GDPD4: variants seen among roughly 807,000 people sequenced by gnomAD.
GDPD4 encodes glycerophosphodiester phosphodiesterase domain containing 4, also known as glycerophosphodiester phosphodiesterase 6.
In GDPD4, 60 loss-of-function variants were observed where a neutral mutation model predicts 67.8. The ratio of observed to expected loss-of-function variants is 0.88; its 90% CI spans 0.72 to 1.10. The LOEUF is 1.10. Ranked by LOEUF, GDPD4 falls within the 50% of genes least tolerant of loss-of-function variation. The pLI is 0.00. For synonymous variants in GDPD4, 212 were observed against 210.9 expected, an observed-to-expected ratio of 1.00 and a Z score of -0.04; for missense variants, 623 against 613.9, an observed-to-expected ratio of 1.01 and a Z score of -0.16.
intron 11 of GDPD4, among the ~76,000 whole-genome samples, chr11:77,248,710 C>T (rs1958829686): frequency 6.6e-6 from 1 of 151,698 alleles, no homozygotes; most frequent in Non-Finnish European, 1.5e-5. Context: ...TTTCCCTGTA[C>T]ATTTATTTAT....
rs534093042 is a variant in GDPD4, at chr11:77,249,461, GC to G, written c.865-3960del. ...TGGTTTCTGGTTCCACATGTAAGGAGCTTGGAAGCTGTCACTCCATCCTAAC... is the reference window on the plus strand; with the variant it reads ...TGGTTTCTGGTTCCACATGTAAGGAGTTGGAAGCTGTCACTCCATCCTAAC... On this transcript the variant is annotated intron_variant, in intron 11 of 16. Transcript: ENST00000315938. 2.5e-3 allele frequency among the ~76,000 whole-genome samples: 382 copies of G among 152,208 alleles called. 2 individuals are homozygous for G. The highest frequency in any genetic ancestry group is 8.5e-3 in the African/African-American group (353 of 41,530).
rs185629189 is a variant in GDPD4 at position 77,286,198 on chromosome 11, T to C, written c.-50-1011A>G. Among the ~76,000 whole-genome samples, 416 of 152,282 alleles carry C rather than the reference T, an allele frequency of 2.7e-3. 2 individuals carry two copies. The highest frequency in any genetic ancestry group is 4.4e-3 in the Non-Finnish European group (299 of 68,028). On this transcript the variant is annotated intron_variant, in intron 2 of 16. Transcript: ENST00000315938. ...TGACTACTCCTCCAATACCAATTCT[T>C]CCACCATCCCCAATTCTCTACCTAT...
chr11:77,243,552 A>G (rs1958715296), intron 13 of GDPD4, 142 bp downstream of exon 13: 1 of 698,956 alleles, frequency 1.4e-6, no homozygotes, highest in Admixed American at 2.6e-5. Flanking sequence ...AGGAAGGGGT[A>G]GGAAAAAGAA....
At chr11:77,293,395 A>G (rs897833607) in intron 1 of GDPD4, among the ~76,000 whole-genome samples, 4 of 152,016 alleles carry the variant, frequency 2.6e-5, no homozygotes, top group Admixed American at 6.6e-5. Context: ...AAAGTTCAAG[A>G]CCAGCATGGG....
At chr11:77,298,123 A>G (rs1938039094) in intron 1 of GDPD4, among the ~76,000 whole-genome samples, 1 of 152,134 alleles carries the variant, frequency 6.6e-6, no homozygotes, top group Non-Finnish European at 1.5e-5. Flanking sequence ...AAAAGATTGA[A>G]ATAAAAAGAT....
chr11:77,252,793 A>G (rs1388613779), intron 11 of GDPD4, among the ~76,000 whole-genome samples: 1 of 152,154 alleles, frequency 6.6e-6, no homozygotes, highest in African/African-American at 2.4e-5. Flanking sequence ...GCGTCAGCAA[A>G]AACTGTGGGC....
At position 77,269,049 on chromosome 11, in the gene GDPD4, A is replaced by T; in HGVS notation, c.499T>A (p.Leu167Ile). The change falls in exon 9 of 17, where the codon TTA becomes ATA. Residue 167 changes from leucine (L) to isoleucine (I), a missense_variant. Transcript: ENST00000315938. ...RLRGLQVPVG[L>I]PFLLILLGLY... The stretch of plus-strand genomic sequence containing the variant: ...CCTAAAAGGATAAGAAGAAAGGGTA[A>T]TCCAACAGGCACTTGTAGACCTGAA... The T allele has an allele frequency of 6.2e-7, 1 of 1,613,950 alleles. No individual in the cohort carries two copies. Among genetic ancestry groups the T allele is most frequent in the Non-Finnish European group, 8.5e-7 (1 of 1,179,876 alleles).
chr11:77,261,953 C>T (rs542709095), intron 10 of GDPD4, among the ~76,000 whole-genome samples: 46 of 152,334 alleles, frequency 3.0e-4, no homozygotes, highest in Admixed American at 9.8e-4. Context: ...TTTGGCAAAA[C>T]AAGTGGTATC....
chr11:77,256,249 C>T (rs1029043491), intron 11 of GDPD4, among the ~76,000 whole-genome samples: 1 of 152,196 alleles, frequency 6.6e-6, no homozygotes, highest in Non-Finnish European at 1.5e-5. Context: ...ATCTAGAACA[C>T]ACCTTTGCCA....
At chr11:77,257,394 A>G (rs897936449) in intron 11 of GDPD4, among the ~76,000 whole-genome samples, 1 of 152,148 alleles carries the variant, frequency 6.6e-6, no homozygotes, top group Non-Finnish European at 1.5e-5. Flanking sequence ...CCACTTAAAA[A>G]CACTCAAGGA....
intron 3 of GDPD4, 136 bp from the exon 4 acceptor site, chr11:77,279,535 G>A: frequency 1.9e-6 from 1 of 528,018 alleles, no homozygotes; most frequent in South Asian, 2.3e-5. Flanking sequence ...GTGAACAGCA[G>A]CTTTTGCGGA....
At chr11:77,260,495 T>C (rs1173848345) in intron 10 of GDPD4, among the ~76,000 whole-genome samples, 8 of 151,958 alleles carry the variant, frequency 5.3e-5, no homozygotes, top group Non-Finnish European at 1.0e-4. Flanking sequence ...CACCCAACAA[T>C]GTAAAACTAC....
intron 3 of GDPD4, among the ~76,000 whole-genome samples, chr11:77,283,926 GC>G (rs1959873925): frequency 6.7e-6 from 1 of 149,690 alleles, no homozygotes; most frequent in South Asian, 2.1e-4. Flanking sequence ...CACGATCTCG[GC>G]TCACTGCAAC....
At chr11:77,243,249 A>G (rs1958708023) in intron 13 of GDPD4, among the ~76,000 whole-genome samples, 1 of 152,148 alleles carries the variant, frequency 6.6e-6, no homozygotes, top group South Asian at 2.1e-4. Context: ...TTTTTAAATA[A>G]TAGTTTTGTT....
intron 10 of GDPD4, among the ~76,000 whole-genome samples, chr11:77,264,766 C>T (rs1959170703): frequency 6.6e-6 from 1 of 152,040 alleles, no homozygotes; most frequent in African/African-American, 2.4e-5. Flanking sequence ...TGTTGGAGTT[C>T]AAGACACTCA....
At chr11:77,236,409 A>G (rs947873696) in intron 13 of GDPD4, among the ~76,000 whole-genome samples, 2 of 152,082 alleles carry the variant, frequency 1.3e-5, no homozygotes, top group Non-Finnish European at 2.9e-5. Context: ...GGTGAACTAA[A>G]TATTACTGGA....
intron 10 of GDPD4, among the ~76,000 whole-genome samples, chr11:77,260,742 A>G (rs909036867): frequency 6.6e-6 from 1 of 152,202 alleles, no homozygotes; most frequent in African/African-American, 2.4e-5. Context: ...AAATTTAGAG[A>G]TAAGATATAA....
intron 11 of GDPD4, among the ~76,000 whole-genome samples, chr11:77,252,349 C>T (rs1169216373): frequency 1.3e-5 from 2 of 152,076 alleles, no homozygotes; most frequent in East Asian, 3.8e-4. Flanking sequence ...CAGGCATGAG[C>T]CACCACATCC....
chr11:77,224,483 T>C (rs1316719924), intron 16 of GDPD4, among the ~76,000 whole-genome samples: 1 of 152,228 alleles, frequency 6.6e-6, no homozygotes, highest in East Asian at 1.9e-4. Flanking sequence ...TATTCTGTTG[T>C]TGGCTTTGAA....
Sources: gnomAD v4.1 joint callset for allele counts (sites outside exome capture counted in the v4.1 genomes callset) on GRCh38, gnomAD v4.1.1 for gene constraint, MANE v1.5 for transcripts, NCBI Gene and HGNC (gene_info 2026-07-23, HGNC 2026-07-21) for gene names.